DYM: variants seen among roughly 807,000 people sequenced by gnomAD.
DYM encodes dyggve-Melchior-Clausen syndrome protein.
Under a neutral mutation model 93.1 loss-of-function variants are expected in DYM, and 78 were observed. The observed-to-expected ratio is 0.84, with a 90% CI of 0.70 to 1.01. DYM has a LOEUF of 1.01. DYM is among the 50% of genes least tolerant of loss of function. DYM has a pLI of 0.00. For missense variants in DYM, 789 were observed against 845.0 expected, an observed-to-expected ratio of 0.93 and a Z score of 0.82; for synonymous variants, 321 against 319.7, an observed-to-expected ratio of 1.00 and a Z score of -0.04.
chr18:49,169,852 C>A (rs1025644940), intron 14 of DYM, among the ~76,000 whole-genome samples: 1 of 152,136 alleles, frequency 6.6e-6, no homozygotes, highest in African/African-American at 2.4e-5. Context: ...GTGAACAAGA[C>A]TAGAAACAGA....
At chr18:49,441,745 G>T (rs1301024056) in intron 1 of DYM, among the ~76,000 whole-genome samples, 1 of 152,008 alleles carries the variant, frequency 6.6e-6, no homozygotes, top group Non-Finnish European at 1.5e-5. Flanking sequence ...CAACAAGAAG[G>T]AAGGCAATTC....
chr18:49,318,798 T>A (rs2062214679), intron 8 of DYM, among the ~76,000 whole-genome samples: 2 of 90,724 alleles, frequency 2.2e-5, no homozygotes, highest in East Asian at 4.6e-4. Context: ...TTTCTTTTTC[T>A]TTTTTTTTTT....
intron 2 of DYM, among the ~76,000 whole-genome samples, chr18:49,415,493 C>T (rs1351101591): frequency 1.3e-5 from 2 of 150,138 alleles, no homozygotes; most frequent in Admixed American, 1.3e-4. Flanking sequence ...ACATGCATTA[C>T]TTTGGTACTT....
chr18:49,378,039 G>C (rs2067679556), intron 5 of DYM, among the ~76,000 whole-genome samples: 1 of 152,190 alleles, frequency 6.6e-6, no homozygotes, highest in African/African-American at 2.4e-5. Flanking sequence ...ATCTTTCCCT[G>C]TATCTTCAGA....
intron 15 of DYM, among the ~76,000 whole-genome samples, chr18:49,129,970 A>G (rs1413542057): frequency 6.6e-6 from 1 of 152,190 alleles, no homozygotes; most frequent in African/African-American, 2.4e-5. Flanking sequence ...ATAGAGGAAT[A>G]AAAGCAAAAA....
At chr18:49,284,983 A>G (rs1461611338) in intron 9 of DYM, among the ~76,000 whole-genome samples, 1 of 152,166 alleles carries the variant, frequency 6.6e-6, no homozygotes, top group African/African-American at 2.4e-5. Context: ...TTCATAAAAG[A>G]GGGCCCACAT....
At chr18:49,062,299 C>T (rs558115374) in intron 17 of DYM, among the ~76,000 whole-genome samples, 1 of 152,312 alleles carries the variant, frequency 6.6e-6, no homozygotes, top group African/African-American at 2.4e-5. Context: ...GGCTTAGGAA[C>T]AAGGGCAGAC....
chr18:49,219,095 A>T (rs2093222015), intron 13 of DYM, among the ~76,000 whole-genome samples: 1 of 152,236 alleles, frequency 6.6e-6, no homozygotes, highest in Admixed American at 6.5e-5. Flanking sequence ...TCCCACAGAA[A>T]TACAAACTAC....
At chr18:49,352,576 T>C (rs112767494) in intron 6 of DYM, among the ~76,000 whole-genome samples, 1,661 of 144,942 alleles carry the variant, frequency 0.011, 29 homozygotes, top group African/African-American at 0.046. Context: ...GAGAGGGATG[T>C]AATTGAATTG....
chr18:49,142,854 A>G (rs991265768), intron 15 of DYM, among the ~76,000 whole-genome samples: 5 of 152,244 alleles, frequency 3.3e-5, no homozygotes, highest in Non-Finnish European at 7.3e-5. Context: ...ATAAGGTGCT[A>G]TTGATAAAAC....
chr18:49,277,498 T>G (rs908644725), intron 10 of DYM, among the ~76,000 whole-genome samples: 1 of 152,196 alleles, frequency 6.6e-6, no homozygotes, highest in African/African-American at 2.4e-5. Flanking sequence ...AAAATTAGTA[T>G]GTTAAAACCC....
At chr18:49,122,167 T>C (rs1877959581) in intron 15 of DYM, among the ~76,000 whole-genome samples, 1 of 152,156 alleles carries the variant, frequency 6.6e-6, no homozygotes, top group African/African-American at 2.4e-5. Context: ...TCCTGGTAGA[T>C]GTGTTATATA....
chr18:49,435,140 A>G (rs112299542), intron 1 of DYM, among the ~76,000 whole-genome samples: 13,525 of 148,564 alleles, frequency 0.091, 833 homozygotes, highest in East Asian at 0.31. Flanking sequence ...CCCAGGAGGC[A>G]GAGGTTTCAG....
rs1238653596 is a variant in DYM, at chr18:49,037,749, A to G, written c.*6306T>C. Among the ~76,000 whole-genome samples the G allele has an allele frequency of 1.3e-5, 2 of 152,204 alleles. No individual in the cohort carries two copies. On this transcript the variant is annotated 3_prime_UTR_variant, in exon 18 of 18. Transcript: ENST00000675505. ...TTTCCAAAAATATGAGGATTATAAA[A>G]TTATCTTTTTGTAAATAATTAGTCT...
chr18:49,080,874 G>A (rs1471305061), intron 17 of DYM, among the ~76,000 whole-genome samples: 18 of 151,902 alleles, frequency 1.2e-4, no homozygotes, highest in Admixed American at 2.6e-4. Context: ...GGTGGCGGCC[G>A]GGCAGAGGCG....
rs578022080 is a variant in DYM at position 49,140,817 on chromosome 18, C to T, written c.1729-21891G>A. Among the ~76,000 whole-genome samples the T allele has an allele frequency of 7.3e-4, 111 of 152,268 alleles. 2 individuals carry two copies. Among genetic ancestry groups the T allele is most frequent in the African/African-American group, 2.6e-3 (110 of 41,556 alleles). ...AGACTTCAACTAAAAAACCTATTCC[C>T]TAAGAGAATCCTCTCATGATTAATT... On this transcript the variant is annotated intron_variant, in intron 15 of 17. Transcript: ENST00000675505.
In DYM at chr18:49,236,490, AT is replaced by A. The variant is rs201770192; in HGVS notation, c.1460+20519del. 2.3e-4 allele frequency among the ~76,000 whole-genome samples: 34 copies of A among 146,626 alleles called. 1 individual carries two copies. The highest frequency in any genetic ancestry group is 2.7e-4 in the Non-Finnish European group (18 of 67,090). On this transcript the variant is annotated intron_variant, in intron 13 of 17. Transcript: ENST00000675505. The stretch of plus-strand genomic sequence containing the variant: ...GCGAGACTCTGTCTCAAAAAAAAAA[AT>A]AAATAAATAAATAAATAGCCATTCT...
At position 49,392,087 on chromosome 18, in the gene DYM, G is replaced by A. The variant is rs529737734; in HGVS notation, c.141-442C>T. Among the ~76,000 whole-genome samples, 4 of 152,152 alleles carry A rather than the reference G, an allele frequency of 2.6e-5. No individual in the cohort carries two copies. In the East Asian group the frequency reaches 7.7e-4, roughly 29 times the overall value. ...AAAAGTTCTAGAAAAAAAGGAAAAG[G>A]AAGAAATAAAGCAAGAAAAGAGAGA... On this transcript the variant is annotated intron_variant, in intron 2 of 17. Coordinates refer to ENST00000675505, the MANE Select transcript of DYM (RefSeq NM_001353214.3).
chr18:49,383,288 T>A (rs563383331), intron 3 of DYM, among the ~76,000 whole-genome samples: 7 of 151,952 alleles, frequency 4.6e-5, no homozygotes, highest in Admixed American at 6.6e-5. Context: ...ATAGTGGTAT[T>A]TTTTTTTAAG....
Sources: allele counts gnomAD v4.1 joint callset (sites outside exome capture counted in the v4.1 genomes callset), GRCh38; gene constraint gnomAD v4.1.1; transcripts MANE v1.5; gene names NCBI Gene and HGNC (gene_info 2026-07-23, HGNC 2026-07-21).